GABRB1: variants seen among roughly 807,000 people sequenced by gnomAD.
GABRB1 encodes the protein gamma-aminobutyric acid type A receptor subunit beta1, also known as gamma-aminobutyric acid receptor subunit beta-1.
In GABRB1, 17 loss-of-function variants were observed where a neutral mutation model predicts 51.6. The observed-to-expected ratio is 0.33, with a 90% confidence interval of 0.23 to 0.49. The LOEUF (loss-of-function observed/expected upper bound fraction) is 0.49. Among genes scored for constraint, GABRB1 ranks in the 20% least tolerant of loss-of-function variants. GABRB1 has a pLI of 0.99. For synonymous variants in GABRB1, 247 were observed against 218.9 expected (o/e 1.13, Z -1.14); for missense variants, 410 against 600.6 (o/e 0.68, Z 3.32).
chr4:47,033,834 T>C (rs925024115), intron 3 of GABRB1, among the ~76,000 whole-genome samples: 1 of 152,194 alleles, frequency 6.6e-6, no homozygotes, highest in African/African-American at 2.4e-5. Flanking sequence ...TCTCTGATTG[T>C]CGTGCTGGAA....
At chr4:47,057,710 T>C (rs1255328642) in intron 3 of GABRB1, among the ~76,000 whole-genome samples, 1 of 152,232 alleles carries the variant, frequency 6.6e-6, no homozygotes, top group Non-Finnish European at 1.5e-5. Flanking sequence ...TAGGATTAGC[T>C]GCAAGTGTGT....
intron 5 of GABRB1, among the ~76,000 whole-genome samples, chr4:47,376,929 T>C (rs994448777): frequency 6.6e-6 from 1 of 152,242 alleles, no homozygotes; most frequent in Non-Finnish European, 1.5e-5. Flanking sequence ...TAGATGAATG[T>C]TTCTTTTCTC....
chr4:47,319,636 G>A (rs542000324), intron 4 of GABRB1, among the ~76,000 whole-genome samples: 12 of 152,258 alleles, frequency 7.9e-5, no homozygotes, highest in Admixed American at 7.2e-4. Flanking sequence ...AGGGATATTG[G>A]CCTGTACTAT....
intron 3 of GABRB1, among the ~76,000 whole-genome samples, chr4:47,102,792 T>C (rs1028053592): frequency 1.3e-5 from 2 of 151,960 alleles, no homozygotes; most frequent in African/African-American, 4.8e-5. Flanking sequence ...AATTGGTACT[T>C]GAGCTACATT....
At chr4:47,376,038 A>T (rs1331382089) in intron 5 of GABRB1, among the ~76,000 whole-genome samples, 29 of 152,174 alleles carry the variant, frequency 1.9e-4, no homozygotes, top group Admixed American at 1.9e-3. Context: ...GTTAAGTTTG[A>T]ATCTCAAAGC....
intron 4 of GABRB1, among the ~76,000 whole-genome samples, chr4:47,314,994 G>A (rs1724832741): frequency 6.6e-6 from 1 of 151,912 alleles, no homozygotes; most frequent in East Asian, 1.9e-4. Flanking sequence ...GACAGCAAAA[G>A]CAATTGCAAT....
At chr4:47,132,370 T>C (rs1465628133) in intron 3 of GABRB1, among the ~76,000 whole-genome samples, 1 of 149,080 alleles carries the variant, frequency 6.7e-6, no homozygotes, top group Non-Finnish European at 1.5e-5. Flanking sequence ...AAGACGTTTT[T>C]TCGTTTGTTT....
intron 4 of GABRB1, among the ~76,000 whole-genome samples, chr4:47,182,111 G>A (rs772420669): frequency 6.6e-6 from 1 of 150,904 alleles, no homozygotes; most frequent in Non-Finnish European, 1.5e-5. Context: ...ATGACTAGAG[G>A]CACTGATAAC....
chr4:47,300,045 A>T (rs1041025440), intron 4 of GABRB1, among the ~76,000 whole-genome samples: 9 of 139,692 alleles, frequency 6.4e-5, no homozygotes, highest in Non-Finnish European at 1.4e-4. Context: ...AACAATGAGA[A>T]CACATGGACA....
chr4:47,127,938 G>A (rs1992455), intron 3 of GABRB1, among the ~76,000 whole-genome samples: 4,546 of 151,298 alleles, frequency 0.03, 89 homozygotes, highest in Non-Finnish European at 0.047. Context: ...ATTAAAGCAG[G>A]AAAAGGAGAA....
At chr4:47,169,501 G>A (rs1201460420) in intron 4 of GABRB1, among the ~76,000 whole-genome samples, 5 of 146,214 alleles carry the variant, frequency 3.4e-5, no homozygotes, top group Non-Finnish European at 7.4e-5. Context: ...AATGTGGAAG[G>A]CACTTTTTTT....
intron 3 of GABRB1, among the ~76,000 whole-genome samples, chr4:47,115,245 G>T (rs1026955829): frequency 1.3e-5 from 2 of 151,974 alleles, no homozygotes; most frequent in African/African-American, 2.4e-5. Context: ...CTTTTTCCTA[G>T]GAATTCTCTT....
At chr4:47,252,337 C>T (rs1433744533) in intron 4 of GABRB1, among the ~76,000 whole-genome samples, 1 of 152,026 alleles carries the variant, frequency 6.6e-6, no homozygotes, top group Non-Finnish European at 1.5e-5. Flanking sequence ...CCCTTACCCA[C>T]TTCCACAGTT....
At chr4:47,386,572 T>G (rs933367280) in intron 5 of GABRB1, among the ~76,000 whole-genome samples, 1 of 152,184 alleles carries the variant, frequency 6.6e-6, no homozygotes, top group Admixed American at 6.5e-5. Flanking sequence ...CTAAAACATA[T>G]GTACCTACAT....
Position 47,222,062 on chromosome 4 carries a change from G to A in GABRB1, c.461+60593G>A, listed in dbSNP as rs1245418839. On this transcript the variant is annotated intron_variant, in intron 4 of 8. Transcript: ENST00000295454. ...ATAATGCAAAAATGTGAAAAACATA[G>A]CACTAAATATACATTACTGCAAATG... Among the ~76,000 whole-genome samples, 3 of 152,042 alleles carry A rather than the reference G, an allele frequency of 2.0e-5. No individual in the cohort carries two copies. The East Asian group carries it at 5.8e-4, about 29-fold the overall frequency.
chr4:47,130,774 T>C (rs555161666), intron 3 of GABRB1, among the ~76,000 whole-genome samples: 1 of 152,326 alleles, frequency 6.6e-6, no homozygotes, highest in South Asian at 2.1e-4. Context: ...ATAGGGACTG[T>C]ATGATGTTTT....
chr4:47,366,344 T>C (rs1474986103), intron 5 of GABRB1, among the ~76,000 whole-genome samples: 1 of 152,196 alleles, frequency 6.6e-6, no homozygotes, highest in Non-Finnish European at 1.5e-5. Flanking sequence ...GGCCCTCAAA[T>C]TACAACATAA....
chr4:47,004,566 G>A (rs1724329858), intron 1 of GABRB1, among the ~76,000 whole-genome samples: 1 of 152,106 alleles, frequency 6.6e-6, no homozygotes, highest in Non-Finnish European at 1.5e-5. Context: ...AATTTCCAAT[G>A]TCTTTGACTA....
At chr4:47,365,667 T>C (rs1726956101) in intron 5 of GABRB1, among the ~76,000 whole-genome samples, 1 of 152,132 alleles carries the variant, frequency 6.6e-6, no homozygotes, top group Non-Finnish European at 1.5e-5. Flanking sequence ...ATGAAAGGCA[T>C]GGGCAGGAGA....
Sources: allele counts gnomAD v4.1 joint callset (sites outside exome capture counted in the v4.1 genomes callset), GRCh38; gene constraint gnomAD v4.1.1; transcripts MANE v1.5; gene names NCBI Gene and HGNC (gene_info 2026-07-23, HGNC 2026-07-21).